ANKIB1: variants seen among roughly 807,000 people sequenced by gnomAD.
The protein encoded by ANKIB1 is ankyrin repeat and IBR domain containing 1.
A neutral mutation model predicts 122.1 loss-of-function variants in ANKIB1; 43 were observed. The observed-to-expected ratio is 0.35, with a 90% CI of 0.28 to 0.45. The LOEUF is 0.45. Ranked by LOEUF, ANKIB1 falls within the 20% of genes least tolerant of loss-of-function variation. The pLI is 1.00. For missense variants in ANKIB1, 992 were observed against 1,329.5 expected, an observed-to-expected ratio of 0.75 and a Z score of 3.95; for synonymous variants, 390 against 442.0, an observed-to-expected ratio of 0.88 and a Z score of 1.48.
rs1417847780 is a variant in ANKIB1, at chr7:92,400,710, A to T, written c.*1761A>T. The T allele has an allele frequency of 1.3e-5, 2 of 152,154 alleles. No individual in the cohort carries two copies. The highest frequency in any genetic ancestry group is 4.8e-5 in the African/African-American group (2 of 41,440). 9.4% of individuals were successfully genotyped at this position (152,154 alleles called of 1,614,324 possible). On this transcript the variant is annotated 3_prime_UTR_variant, in exon 20 of 20. Coordinates refer to ENST00000265742, the MANE Select transcript of ANKIB1 (RefSeq NM_019004.2). ...TAGGATAAACTGTGGGAATCCTCCT[A>T]TGCCATGGATATCAAAGGTCCACAT... is the stretch of plus-strand genomic sequence containing the variant.
intron 11 of ANKIB1, among the ~76,000 whole-genome samples, chr7:92,378,305 T>C (rs1804432211): frequency 6.6e-6 from 1 of 152,074 alleles, no homozygotes. Flanking sequence ...TCCATGTCAG[T>C]GCTGAAAAAG....
At chr7:92,329,510 A>ATAT (rs1004032789) in intron 5 of ANKIB1, among the ~76,000 whole-genome samples, 2 of 152,176 alleles carry the variant, frequency 1.3e-5, no homozygotes, top group African/African-American at 2.4e-5. Flanking sequence ...TATCTCATAA[A>ATAT]ATCAGTAGCT....
At chr7:92,393,723 A>G (rs997615013) in intron 17 of ANKIB1, among the ~76,000 whole-genome samples, 1 of 152,076 alleles carries the variant, frequency 6.6e-6, no homozygotes, top group Non-Finnish European at 1.5e-5. Context: ...ATTTTTTAGA[A>G]ATTACTTACT....
At chr7:92,346,172 G>C (rs1384023405) in intron 7 of ANKIB1, among the ~76,000 whole-genome samples, 4 of 151,902 alleles carry the variant, frequency 2.6e-5, no homozygotes, top group African/African-American at 9.7e-5. Context: ...CTGTCACCCA[G>C]GCTGAAGTGC....
intron 1 of ANKIB1, among the ~76,000 whole-genome samples, chr7:92,277,672 C>T (rs1026811077): frequency 3.9e-5 from 6 of 152,188 alleles, no homozygotes; most frequent in African/African-American, 1.4e-4. Context: ...AGGGAGTGGG[C>T]GTGGAGGCTC....
At chr7:92,374,313 C>T (rs1804336331) in intron 11 of ANKIB1, among the ~76,000 whole-genome samples, 1 of 152,014 alleles carries the variant, frequency 6.6e-6, no homozygotes, top group Non-Finnish European at 1.5e-5. Context: ...CTCATCTCTA[C>T]TAAAAATACA....
Position 92,246,203 on chromosome 7 carries a change from G to A in ANKIB1, c.-407G>A. On this transcript the variant is annotated 5_prime_UTR_variant, in exon 1 of 20. Transcript: ENST00000265742. ...CCGCGAGGCGGAGGCAAGAGCCACC[G>A]CCCCCTCTTCCCCTCCCCCGAGTGA... The A allele has an allele frequency of 2.7e-6, 1 of 364,620 alleles. No homozygotes were observed. Among genetic ancestry groups the A allele is most frequent in the Non-Finnish European group, 5.2e-6 (1 of 193,196 alleles). 22.6% of individuals were successfully genotyped at this position (364,620 alleles called of 1,614,324 possible).
chr7:92,386,545 T>A lies in ANKIB1; in HGVS notation c.1654T>A (p.Trp552Arg). 6.2e-7 allele frequency: 1 copy of A among 1,605,788 alleles called. No individual in the cohort carries two copies. Among genetic ancestry groups the A allele is most frequent in the Non-Finnish European group, 8.5e-7 (1 of 1,176,308 alleles). The change falls in exon 12 of 20, where the codon TGG becomes AGG. Residue 552 changes from tryptophan to arginine, a missense_variant. This residue lies in a region of ANKIB1 where 521 missense variants were observed against 777.7 expected (regional missense o/e 0.67). Coordinates refer to ENST00000265742, the MANE Select transcript of ANKIB1 (RefSeq NM_019004.2). ...YDFCWICLEE[W>R]KKHSSSTGGY... ...CTTTTGCTGGATTTGCCTTGAAGAG[T>A]GGAAAAAACATAGTTCGTCCACTGG...
intron 1 of ANKIB1, among the ~76,000 whole-genome samples, chr7:92,282,706 GA>G (rs1802034546): frequency 1.3e-5 from 2 of 152,106 alleles, no homozygotes; most frequent in African/African-American, 4.8e-5. Context: ...TTCAAAGTTT[GA>G]AAAATAGTTG....
intron 1 of ANKIB1, among the ~76,000 whole-genome samples, chr7:92,286,613 G>A (rs1418459101): frequency 1.3e-5 from 2 of 151,812 alleles, no homozygotes; most frequent in Non-Finnish European, 2.9e-5. Context: ...CCAAGTAGGT[G>A]GGATTACAGG....
intron 1 of ANKIB1, among the ~76,000 whole-genome samples, chr7:92,285,443 G>A (rs1461240494): frequency 6.6e-6 from 1 of 152,134 alleles, no homozygotes; most frequent in Admixed American, 6.5e-5. Flanking sequence ...GGACGTTTTA[G>A]TCTTAAATGG....
intron 2 of ANKIB1, among the ~76,000 whole-genome samples, chr7:92,306,793 A>G (rs1802571353): frequency 1.3e-5 from 2 of 152,216 alleles, no homozygotes; most frequent in Admixed American, 1.3e-4. Context: ...TATATGCCTT[A>G]TTATTTCAAA....
At chr7:92,249,486 C>T (rs1047134434) in intron 1 of ANKIB1, among the ~76,000 whole-genome samples, 4 of 151,930 alleles carry the variant, frequency 2.6e-5, no homozygotes, top group African/African-American at 9.7e-5. Flanking sequence ...TTTGGGAGGC[C>T]GAGGTGGACA....
chr7:92,319,298 AG>A, intron 3 of ANKIB1, 31 bp from the exon 4 acceptor site: 1 of 1,371,588 alleles, frequency 7.3e-7, no homozygotes, highest in Non-Finnish European at 1.0e-6. Flanking sequence ...TTGAACCTGT[AG>A]TTGCAAGTTT....
intron 9 of ANKIB1, among the ~76,000 whole-genome samples, chr7:92,360,448 GTGTT>G (rs1317294204): frequency 6.6e-5 from 10 of 152,238 alleles, no homozygotes; most frequent in East Asian, 1.9e-4. Context: ...ACGTGTGTGT[GTGTT>G]TGTGTGTGTG....
In ANKIB1 at chr7:92,362,340, A is replaced by G; in HGVS notation, c.1486+67A>G. The G allele has an allele frequency of 2.8e-6, 4 of 1,415,890 alleles. No individual in the cohort carries two copies. The South Asian group carries it at 4.9e-5, about 17-fold the overall frequency. The allele number at this position is 1,415,890 out of a possible 1,614,324, so 87.7% of individuals were successfully genotyped here. On this transcript the variant is annotated intron_variant, in intron 10 of 19. Transcript: ENST00000265742. ...AGCATTCAAAAGATAATGTGGTCAT[A>G]TCTTTTTTAGTCTTTATTTAAGAGG...
chr7:92,284,787 C>T (rs760912306), intron 1 of ANKIB1, among the ~76,000 whole-genome samples: 13 of 151,972 alleles, frequency 8.6e-5, no homozygotes, highest in Non-Finnish European at 1.3e-4. Flanking sequence ...TACGTGATTG[C>T]GTAGAGATTA....
chr7:92,346,614 A>G (rs1470264774), intron 7 of ANKIB1, among the ~76,000 whole-genome samples: 4 of 152,196 alleles, frequency 2.6e-5, no homozygotes, highest in Non-Finnish European at 4.4e-5. Flanking sequence ...AGAGCTCACA[A>G]TCCAAAGCTA....
intron 1 of ANKIB1, among the ~76,000 whole-genome samples, chr7:92,265,890 A>G (rs1801663243): frequency 1.3e-5 from 2 of 152,244 alleles, no homozygotes; most frequent in Admixed American, 1.3e-4. Flanking sequence ...GCACTGTTAC[A>G]GGAGTCCGGA....
Sources: gnomAD v4.1 joint callset for allele counts (sites outside exome capture counted in the v4.1 genomes callset) on GRCh38, gnomAD v4.1.1 for gene constraint, gnomAD v4.1.1 regional missense constraint, MANE v1.5 for transcripts, NCBI Gene and HGNC (gene_info 2026-07-23, HGNC 2026-07-21) for gene names.